The following SLF2 variants were observed in gnomAD, a reference collection of about 807,000 sequenced individuals.
SLF2 encodes SMC5-SMC6 complex localization factor protein 2.
Under a neutral mutation model 124.3 loss-of-function variants are expected in SLF2, and 68 were observed. The ratio of observed to expected loss-of-function variants is 0.55; its 90% confidence interval spans 0.45 to 0.67. The LOEUF is 0.67. SLF2 is among the 30% of genes least tolerant of loss of function. The pLI is 0.00. For missense variants in SLF2, 1,246 were observed against 1,373.7 expected (o/e 0.91, Z 1.47); for synonymous variants, 480 against 478.8 (o/e 1.00, Z -0.03).
In SLF2 at chr10:100,925,067, T is replaced by C. The variant is rs905835832; in HGVS notation, c.1971+95T>C. On this transcript the variant is annotated intron_variant, in intron 5 of 19. Transcript: ENST00000238961. ...TATCGGAACTTACTTTAAAATTTAGTATTTATTATAACTCATATTTGTACT... is the reference window on the plus strand; with the variant it reads ...TATCGGAACTTACTTTAAAATTTAGCATTTATTATAACTCATATTTGTACT... 2.4e-6 allele frequency: 3 copies of C among 1,239,332 alleles called. No individual in the cohort carries two copies. In the Admixed American group the frequency reaches 7.1e-5, roughly 29 times the overall value. 76.8% of individuals were successfully genotyped at this position (1,239,332 alleles called of 1,614,324 possible).
At chr10:100,916,118 A>C in intron 2 of SLF2, 76 bp downstream of exon 2, 2 of 1,112,176 alleles carry the variant, frequency 1.8e-6, no homozygotes, top group Non-Finnish European at 2.6e-6. Context: ...TTTAAAACCT[A>C]CTCTAAACTG....
chr10:100,963,929 AT>A lies in SLF2; in HGVS notation c.*2018del, dbSNP rs1183354013. Reference sequence around the variant, plus strand: ...ATTATATTTCTCCTTTAGAAAAAAAATACTTCATGGTCCCTCTAAAATAAAT... The same window carrying A: ...ATTATATTTCTCCTTTAGAAAAAAAAACTTCATGGTCCCTCTAAAATAAAT... On this transcript the variant is annotated 3_prime_UTR_variant, in exon 20 of 20. Coordinates refer to ENST00000238961, the MANE Select transcript of SLF2 (RefSeq NM_018121.4). The A allele has an allele frequency of 1.3e-4, 20 of 152,746 alleles. No homozygotes were observed. Among genetic ancestry groups the A allele is most frequent in the African/African-American group, 4.8e-4 (20 of 41,570 alleles). The allele number at this position is 152,746 out of a possible 1,614,324, so 9.5% of individuals were successfully genotyped here.
intron 12 of SLF2, among the ~76,000 whole-genome samples, chr10:100,944,659 T>G (rs1187114819): frequency 6.6e-6 from 1 of 152,242 alleles, no homozygotes; most frequent in Non-Finnish European, 1.5e-5. Flanking sequence ...TTAAATAGTT[T>G]TGAAACCAAT....
At chr10:100,946,935 G>T (rs966165037) in intron 13 of SLF2, 104 bp from the exon 14 acceptor site, 1 of 871,208 alleles carries the variant, frequency 1.1e-6, no homozygotes, top group Non-Finnish European at 1.9e-6. Context: ...GCTCTGTTTT[G>T]TACTAGTGCT....
Position 100,950,203 on chromosome 10 carries a change from A to AGC in SLF2, c.3249_3250dup (p.Gln1084ArgfsTer6). The AGC allele has an allele frequency of 1.2e-6, 2 of 1,613,386 alleles. No individual in the cohort carries two copies. The highest frequency in any genetic ancestry group is 1.7e-6 in the Non-Finnish European group (2 of 1,179,706). On this transcript the variant is annotated frameshift_variant, in exon 16 of 20. Coordinates refer to ENST00000238961, the MANE Select transcript of SLF2 (RefSeq NM_018121.4). LOFTEE classifies it high-confidence loss of function. ...GACAGTCTTCATTTAGAACTTGAAA[A>AGC]GCAGGTATCCAGTGCTAGAAGGTCT... is the stretch of plus-strand genomic sequence containing the variant.
chr10:100,916,131 T>A, intron 2 of SLF2, 89 bp downstream of exon 2: 1 of 954,530 alleles, frequency 1.0e-6, no homozygotes, highest in Non-Finnish European at 1.6e-6. Flanking sequence ...CTAAACTGTT[T>A]TAGTAAACGT....
chr10:100,951,407 A>C (rs1850211374), intron 17 of SLF2, among the ~76,000 whole-genome samples: 1 of 152,214 alleles, frequency 6.6e-6, no homozygotes, highest in South Asian at 2.1e-4. Flanking sequence ...TCCAGTAGAA[A>C]TGGCAGTCAG....
At position 100,917,055 on chromosome 10, in the gene SLF2, A is replaced by C; in HGVS notation, c.670A>C (p.Arg224=). ...RSLSSRSSLS[R]HHPEESPLGA... is the part of the protein sequence containing the mutation. Reference sequence around the variant, plus strand: ...CCTTAGCAGCAGGAGCAGCCTGTCCAGGCACCACCCGGAAGAAAGCCCACT... The same window carrying C: ...CCTTAGCAGCAGGAGCAGCCTGTCCCGGCACCACCCGGAAGAAAGCCCACT... The change falls in exon 3 of 20, where the codon AGG becomes CGG. Residue 224 remains arginine, a synonymous_variant. Transcript: ENST00000238961. 1.2e-6 allele frequency: 2 copies of C among 1,614,242 alleles called. No homozygotes were observed. Among genetic ancestry groups the C allele is most frequent in the South Asian group, 2.2e-5 (2 of 91,090 alleles).
chr10:100,962,868 T>TGC lies in SLF2; in HGVS notation c.*959_*960dup, dbSNP rs539627456. On this transcript the variant is annotated 3_prime_UTR_variant, in exon 20 of 20. Transcript: ENST00000238961. Reference sequence around the variant, plus strand: ...GTGTGTGTGTGTGTGTGTGTGTGTGTGCGCTTGTATCTTGAAGTTGTTGCA... The same window carrying TGC: ...GTGTGTGTGTGTGTGTGTGTGTGTGTGCGCGCTTGTATCTTGAAGTTGTTGCA... 8.1e-3 allele frequency: 1,233 copies of TGC among 152,054 alleles called. 34 individuals are homozygous for TGC. Among genetic ancestry groups the TGC allele is most frequent in the African/African-American group, 0.014 (570 of 41,248 alleles). 9.4% of individuals were successfully genotyped at this position (152,054 alleles called of 1,614,324 possible). A position where few individuals can be genotyped will look rare whatever the true frequency, so the allele number is the denominator to read the frequency against.
At chr10:100,955,982 G>A (rs1463612326) in intron 17 of SLF2, among the ~76,000 whole-genome samples, 2 of 151,990 alleles carry the variant, frequency 1.3e-5, no homozygotes, top group African/African-American at 4.8e-5. Flanking sequence ...GACTGGAGGA[G>A]CACTTGAGCT....
Position 100,924,135 on chromosome 10 carries a change from T to C in SLF2, c.1134T>C (p.Ile378=). 6.2e-7 allele frequency: 1 copy of C among 1,613,212 alleles called. No individual in the cohort carries two copies. The highest frequency in any genetic ancestry group is 8.5e-7 in the Non-Finnish European group (1 of 1,179,788). Residue 378 remains isoleucine, a synonymous_variant, in exon 5 of 20, where the codon ATT becomes ATC. Transcript: ENST00000238961. ...AGAAAGAAAAATTTATAAAACATAT[T>C]GCACTGAAGACACCTGGTGATGTGT... ...PHQKEKFIKH[I]ALKTPGDVLR... is the part of the protein sequence containing the mutation.
chr10:100,934,792 T>G lies in SLF2; in HGVS notation c.2437-2610T>G, dbSNP rs188608022. Among the ~76,000 whole-genome samples the G allele has an allele frequency of 5.6e-3, 850 of 151,194 alleles. 11 individuals are homozygous for G. The highest frequency in any genetic ancestry group is 0.02 in the African/African-American group (818 of 41,296). On this transcript the variant is annotated intron_variant, in intron 9 of 19. Coordinates refer to ENST00000238961, the MANE Select transcript of SLF2 (RefSeq NM_018121.4). The stretch of plus-strand genomic sequence containing the variant: ...CACGCCCAGCTAATTTTTTTTTTTT[T>G]TGTATTTTTATTAGAGATGGGGTTT...
At chr10:100,919,973 T>C (rs1271413368) in intron 4 of SLF2, among the ~76,000 whole-genome samples, 1 of 152,264 alleles carries the variant, frequency 6.6e-6, no homozygotes, top group East Asian at 1.9e-4. Flanking sequence ...AAATCAATCT[T>C]CAGCCAAGGC....
chr10:100,929,421 G>A lies in SLF2; in HGVS notation c.2147G>A (p.Gly716Asp). 1 of 1,609,900 alleles carries A rather than the reference G, an allele frequency of 6.2e-7. No homozygotes were observed. The highest frequency in any genetic ancestry group is 1.1e-5 in the South Asian group (1 of 90,424). Residue 716 changes from glycine (G) to aspartate (D), a missense_variant, in exon 7 of 20, where the codon GGC (glycine) becomes GAC (aspartate). Physicochemically the swap from Gly to Asp is moderately conservative, Grantham distance 94 (BLOSUM62 -1). This residue lies in a region of SLF2 where 535 missense variants were observed against 632.8 expected (regional missense o/e 0.85). Coordinates refer to ENST00000238961, the MANE Select transcript of SLF2 (RefSeq NM_018121.4). ...GEEDSTDDED[G>D]LLEEHKEFLK... is the part of the protein sequence containing the mutation. ...GAAGACAGTACAGATGATGAGGATGGCCTCTTAGAAGAGCACAAGTATAGC... is the reference window on the plus strand; with the variant it reads ...GAAGACAGTACAGATGATGAGGATGACCTCTTAGAAGAGCACAAGTATAGC...
intron 8 of SLF2, 70 bp downstream of exon 8, chr10:100,930,067 T>C (rs1849701428): frequency 1.0e-6 from 1 of 987,050 alleles, no homozygotes; most frequent in Admixed American, 3.0e-5. Context: ...CTGACTCACG[T>C]AATCTTCTAA....
intron 4 of SLF2, 75 bp from the exon 5 acceptor site, chr10:100,923,900 G>A (rs769820163): frequency 3.3e-5 from 41 of 1,231,216 alleles, no homozygotes; most frequent in Non-Finnish European, 4.0e-5. Flanking sequence ...TCATTAGGGT[G>A]TTCTAGACAC....
Position 100,962,859 on chromosome 10 carries a change from G to C in SLF2, c.*947G>C, listed in dbSNP as rs1731489854. On this transcript the variant is annotated 3_prime_UTR_variant, in exon 20 of 20. Coordinates refer to ENST00000238961, the MANE Select transcript of SLF2 (RefSeq NM_018121.4). ...TCTGTGTATGTGTGTGTGTGTGTGT[G>C]TGTGTGTGTGCGCTTGTATCTTGAA... 2.0e-5 allele frequency: 3 copies of C among 152,420 alleles called. No individual in the cohort carries two copies. In the South Asian group the frequency reaches 6.2e-4, roughly 32 times the overall value. 9.4% of individuals were successfully genotyped at this position (152,420 alleles called of 1,614,324 possible). A position where few individuals can be genotyped will look rare whatever the true frequency, so the allele number is the denominator to read the frequency against.
At chr10:100,950,287 G>A in intron 16 of SLF2, 80 bp downstream of exon 16, 1 of 1,427,106 alleles carries the variant, frequency 7.0e-7, no homozygotes, top group East Asian at 2.4e-5. Flanking sequence ...TGATATGTAG[G>A]CATTTCTGGA....
chr10:100,937,594 T>C lies in SLF2; in HGVS notation c.2512+117T>C, dbSNP rs1849889418. On this transcript the variant is annotated intron_variant, in intron 10 of 19. Transcript: ENST00000238961. The stretch of plus-strand genomic sequence containing the variant: ...GAAATATACAATACAAAATTATTTT[T>C]CTAATCAAAAGTCGTTTTTTTTGGT... 3 of 756,370 alleles carry C rather than the reference T, an allele frequency of 4.0e-6. No homozygotes were observed. In the South Asian group the frequency reaches 5.2e-5, roughly 13 times the overall value. 46.9% of individuals were successfully genotyped at this position (756,370 alleles called of 1,614,324 possible). A position where few individuals can be genotyped will look rare whatever the true frequency, so the allele number is the denominator to read the frequency against.
Sources: allele counts gnomAD v4.1 joint callset (sites outside exome capture counted in the v4.1 genomes callset), GRCh38; gene constraint gnomAD v4.1.1; regional missense constraint gnomAD v4.1.1; transcripts MANE v1.5; gene names NCBI Gene and HGNC (gene_info 2026-07-23, HGNC 2026-07-21).